Variants in TMEM132B observed in about 807,000 individuals in gnomAD.
The protein encoded by TMEM132B is transmembrane protein 132B.
TMEM132B carries 18 observed loss-of-function variants against 90.8 expected under a neutral mutation model. The observed-to-expected ratio is 0.20, with a 90% CI of 0.14 to 0.29. The LOEUF (loss-of-function observed/expected upper bound fraction) is 0.29. Ranked by LOEUF, TMEM132B falls within the 10% of genes least tolerant of loss-of-function variation. TMEM132B has a pLI of 1.00. For missense variants in TMEM132B, 1,096 were observed against 1,326.8 expected (o/e 0.83, Z 2.70); for synonymous variants, 504 against 523.3 (o/e 0.96, Z 0.50).
rs1196065275 is a variant in TMEM132B, at chr12:125,594,912, T to C, written c.1437+10918T>C. Among the ~76,000 whole-genome samples, 4 of 152,184 alleles carry C rather than the reference T, an allele frequency of 2.6e-5. No homozygotes were observed. The East Asian group carries it at 7.7e-4, about 29-fold the overall frequency. On this transcript the variant is annotated intron_variant, in intron 5 of 8. Coordinates refer to ENST00000682704, the MANE Select transcript of TMEM132B (RefSeq NM_001366854.1). ...GATGAGGTTGAATTTATCAATTTTT[T>C]TTCAACCTCATCAGCTCCCACCCTG...
intron 3 of TMEM132B, among the ~76,000 whole-genome samples, chr12:125,493,954 C>T (rs1029780097): frequency 2.8e-5 from 4 of 144,072 alleles, no homozygotes; most frequent in African/African-American, 1.0e-4. Context: ...TCCCCCTCCT[C>T]CCTGGAAATG....
rs1263127449 is a variant in TMEM132B at position 125,246,221 on chromosome 12, T to C, written c.67+59355T>C. On this transcript the variant is annotated intron_variant, in intron 1 of 8. Coordinates refer to ENST00000682704, the MANE Select transcript of TMEM132B (RefSeq NM_001366854.1). The surrounding 1 kb of genome is among the most constrained non-coding windows in gnomAD (Gnocchi z 4.2). ...TCTGTGCCGAGGAGAATGTCAAGCC[T>C]GTTAGATCATAAAAACCAGCATTGC... Among the ~76,000 whole-genome samples, 4 of 152,330 alleles carry C rather than the reference T, an allele frequency of 2.6e-5. No individual in the cohort carries two copies. The East Asian group carries it at 7.7e-4, about 29-fold the overall frequency.
At chr12:125,640,240 C>T (rs1156938601) in intron 5 of TMEM132B, among the ~76,000 whole-genome samples, 6 of 152,306 alleles carry the variant, frequency 3.9e-5, no homozygotes, top group Middle Eastern at 3.4e-3. Context: ...AAAGCAGATG[C>T]GGGTTTAATG....
At chr12:125,379,774 T>A (rs901546535) in intron 2 of TMEM132B, among the ~76,000 whole-genome samples, 2 of 152,204 alleles carry the variant, frequency 1.3e-5, no homozygotes, top group East Asian at 3.8e-4. Context: ...GAATATTACA[T>A]GTCCTGTGGA....
chr12:125,347,468 C>T (rs1877400258), intron 1 of TMEM132B, among the ~76,000 whole-genome samples: 1 of 152,164 alleles, frequency 6.6e-6, no homozygotes, highest in Admixed American at 6.5e-5. Flanking sequence ...ACGATTTTCT[C>T]ACCCTCTAGA....
intron 1 of TMEM132B, among the ~76,000 whole-genome samples, chr12:125,197,089 T>C (rs1872941786): frequency 6.6e-6 from 1 of 152,212 alleles, no homozygotes; most frequent in Non-Finnish European, 1.5e-5. Flanking sequence ...GTACAGATTA[T>C]TTTATCACCT....
At chr12:125,203,247 C>A (rs955682135) in intron 1 of TMEM132B, among the ~76,000 whole-genome samples, 1 of 152,176 alleles carries the variant, frequency 6.6e-6, no homozygotes, top group African/African-American at 2.4e-5. Context: ...CATCCCTTCC[C>A]CTGCTATCAA....
rs553748238 is a variant in TMEM132B, at chr12:125,499,981, A to C, written c.1107-19458A>C. Among the ~76,000 whole-genome samples the C allele has an allele frequency of 3.3e-5, 5 of 152,270 alleles. No homozygotes were observed. The South Asian group carries it at 1.0e-3, about 32-fold the overall frequency. On this transcript the variant is annotated intron_variant, in intron 3 of 8. Coordinates refer to ENST00000682704, the MANE Select transcript of TMEM132B (RefSeq NM_001366854.1). Reference sequence around the variant, plus strand: ...TCACCTCATAATCAAATGACCCTAAATCCCTCACTAACCTACCCCCACCCT... The same window carrying C: ...TCACCTCATAATCAAATGACCCTAACTCCCTCACTAACCTACCCCCACCCT...
intron 2 of TMEM132B, among the ~76,000 whole-genome samples, chr12:125,359,324 G>A (rs752148098): frequency 2.0e-5 from 3 of 151,970 alleles, no homozygotes; most frequent in Non-Finnish European, 4.4e-5. Context: ...TATATATTGC[G>A]ATTTTATTAG....
chr12:125,297,682 C>T (rs1875706420), intron 1 of TMEM132B, among the ~76,000 whole-genome samples: 1 of 152,218 alleles, frequency 6.6e-6, no homozygotes, highest in South Asian at 2.1e-4. Flanking sequence ...CAGTTCAGTG[C>T]AGGTGCTGGC....
intron 1 of TMEM132B, among the ~76,000 whole-genome samples, chr12:125,333,867 C>A (rs1876871460): frequency 6.6e-6 from 1 of 152,046 alleles, no homozygotes; most frequent in South Asian, 2.1e-4. Flanking sequence ...CTTTTTTAAC[C>A]TCTGGCCTAA....
At position 125,654,601 on chromosome 12, in the gene TMEM132B, C is replaced by A; in HGVS notation, c.3143C>A (p.Ser1048Tyr). The stretch of plus-strand genomic sequence containing the variant: ...GAGGACGGCGGCCCATACACCAACT[C>A]CATCCTGTTTGACAGCGATGATAAC... Reference protein sequence around the residue: ...LPEDGGPYTNSILFDSDDNIK... With the variant: ...LPEDGGPYTNYILFDSDDNIK... The change falls in exon 9 of 9, where the codon TCC becomes TAC. Residue 1048 changes from serine to tyrosine, a missense_variant. Physicochemically the swap from Ser to Tyr is moderately radical, Grantham distance 144. Transcript: ENST00000682704. This position sits in a 1 kb window ranked among gnomAD's most constrained non-coding sequence, Gnocchi z 5.8. 1 of 1,614,236 alleles carries A rather than the reference C, an allele frequency of 6.2e-7. No homozygotes were observed. Among genetic ancestry groups the A allele is most frequent in the Non-Finnish European group, 8.5e-7 (1 of 1,180,046 alleles).
At chr12:125,549,521 A>G (rs1279006223) in intron 4 of TMEM132B, among the ~76,000 whole-genome samples, 2 of 152,198 alleles carry the variant, frequency 1.3e-5, no homozygotes, top group African/African-American at 4.8e-5. Flanking sequence ...CTCACTGGGA[A>G]CACAGCACAA....
intron 6 of TMEM132B, among the ~76,000 whole-genome samples, chr12:125,645,362 G>A (rs1886737763): frequency 6.6e-6 from 1 of 152,082 alleles, no homozygotes; most frequent in African/African-American, 2.4e-5. Flanking sequence ...ACAGAGATTA[G>A]CCAGGTGGTG....
At chr12:125,553,433 G>A (rs983412009) in intron 4 of TMEM132B, among the ~76,000 whole-genome samples, 1 of 152,212 alleles carries the variant, frequency 6.6e-6, no homozygotes, top group Non-Finnish European at 1.5e-5. Context: ...TGTGGCAAGT[G>A]CGCTACCAGG....
At chr12:125,519,208 A>G (rs1883242017) in intron 3 of TMEM132B, among the ~76,000 whole-genome samples, 1 of 152,204 alleles carries the variant, frequency 6.6e-6, no homozygotes, top group Admixed American at 6.5e-5. Context: ...AGTGAAAGAC[A>G]GCCTGCTTTC....
At chr12:125,536,827 C>G (rs1883811421) in intron 4 of TMEM132B, among the ~76,000 whole-genome samples, 2 of 150,362 alleles carry the variant, frequency 1.3e-5, no homozygotes, top group South Asian at 4.2e-4. Flanking sequence ...TTGCAGCTGT[C>G]ATTAGGTTAA....
rs56219827 is a variant in TMEM132B, at chr12:125,546,471, C to T, written c.1293+26846C>T. Among the ~76,000 whole-genome samples, 555 of 152,290 alleles carry T rather than the reference C, an allele frequency of 3.6e-3. 1 individual carries two copies. Among genetic ancestry groups the T allele is most frequent in the African/African-American group, 0.013 (522 of 41,556 alleles). ...TGCTGGGATTACAGGCATGAGCCAC[C>T]ACGACCGGCTGCAAGTATTGTCTTT... On this transcript the variant is annotated intron_variant, in intron 4 of 8. Coordinates refer to ENST00000682704, the MANE Select transcript of TMEM132B (RefSeq NM_001366854.1).
In TMEM132B at chr12:125,422,815, G is replaced by A. The variant is rs58217313; in HGVS notation, c.1106+7138G>A. The stretch of plus-strand genomic sequence containing the variant: ...GGTGAGACACTGATTGTCCCCTGGA[G>A]CCCTCGGCAGGAGCACGTTTCTTTC... On this transcript the variant is annotated intron_variant, in intron 3 of 8. Coordinates refer to ENST00000682704, the MANE Select transcript of TMEM132B (RefSeq NM_001366854.1). Among the ~76,000 whole-genome samples, 1,168 of 152,308 alleles carry A rather than the reference G, an allele frequency of 7.7e-3. 15 individuals are homozygous for A. The highest frequency in any genetic ancestry group is 0.027 in the African/African-American group (1,114 of 41,568).
Sources: allele counts gnomAD v4.1 joint callset (sites outside exome capture counted in the v4.1 genomes callset), GRCh38; gene constraint gnomAD v4.1.1; non-coding constraint Gnocchi (gnomAD v3.1); transcripts MANE v1.5; gene names NCBI Gene and HGNC (gene_info 2026-07-23, HGNC 2026-07-21).